CCDC7: variants seen among roughly 807,000 people sequenced by gnomAD.
CCDC7 encodes the protein coiled-coil domain-containing protein 7.
CCDC7 carries 183 observed loss-of-function variants against 196.9 expected under a neutral mutation model. The observed-to-expected ratio is 0.93, with a 90% CI of 0.82 to 1.05. CCDC7 has a LOEUF of 1.05. Ranked by LOEUF, CCDC7 falls within the 50% of genes least tolerant of loss-of-function variation. The pLI is 0.00. For synonymous variants in CCDC7, 525 were observed against 484.6 expected (o/e 1.08, Z -1.10); for missense variants, 1,540 against 1,482.2 (o/e 1.04, Z -0.64).
chr10:32,647,384 C>G lies in CCDC7; in HGVS notation c.2014+12226C>G, dbSNP rs2067950671. ...AACAGCCAGGTGTAGAAGCACGTAC[C>G]TGTAATCCCAGCTACCTGGGAGGCT... On this transcript the variant is annotated intron_variant, in intron 20 of 41. Transcript: ENST00000639629. Among the ~76,000 whole-genome samples, 4 of 150,560 alleles carry G rather than the reference C, an allele frequency of 2.7e-5. No individual in the cohort carries two copies. In the South Asian group the frequency reaches 8.4e-4, roughly 32 times the overall value.
chr10:32,766,228 GT>G (rs1452519707), intron 28 of CCDC7, among the ~76,000 whole-genome samples: 1 of 151,972 alleles, frequency 6.6e-6, no homozygotes, highest in Non-Finnish European at 1.5e-5. Flanking sequence ...AGGAAAAATT[GT>G]TGCATCTGGC....
intron 18 of CCDC7, among the ~76,000 whole-genome samples, chr10:32,585,353 G>A (rs1054347896): frequency 7.2e-5 from 11 of 152,106 alleles, no homozygotes; most frequent in African/African-American, 2.2e-4. Flanking sequence ...GATTACAGGC[G>A]TGAGCCACCG....
chr10:32,573,002 C>T (rs911547447), intron 16 of CCDC7, among the ~76,000 whole-genome samples: 1 of 151,780 alleles, frequency 6.6e-6, no homozygotes, highest in African/African-American at 2.4e-5. Flanking sequence ...CTCAGCCTCC[C>T]CAGGAGCTGG....
intron 29 of CCDC7, among the ~76,000 whole-genome samples, chr10:32,799,033 G>T (rs1406942583): frequency 6.6e-6 from 1 of 152,154 alleles, no homozygotes; most frequent in Non-Finnish European, 1.5e-5. Context: ...AGCTGCTCGA[G>T]CCCGATCATG....
At chr10:32,576,019 T>C (rs1003517553) in intron 16 of CCDC7, among the ~76,000 whole-genome samples, 1 of 152,140 alleles carries the variant, frequency 6.6e-6, no homozygotes, top group Non-Finnish European at 1.5e-5. Flanking sequence ...ATATCTGCCA[T>C]AGGAAAGAGA....
chr10:32,562,172 C>A (rs1309535378), intron 13 of CCDC7, among the ~76,000 whole-genome samples: 1 of 152,056 alleles, frequency 6.6e-6, no homozygotes, highest in Non-Finnish European at 1.5e-5. Flanking sequence ...GCTTACCAAC[C>A]AAAAAGAGTC....
At chr10:32,447,977 T>C (rs1271136372), upstream of CCDC7, among the ~76,000 whole-genome samples, 1 of 152,222 alleles carries the variant, frequency 6.6e-6, no homozygotes, top group African/African-American at 2.4e-5. Context: ...TATTTACTAT[T>C]ATCATCAGTA....
chr10:32,672,812 A>G (rs906406123), intron 21 of CCDC7, among the ~76,000 whole-genome samples: 13 of 152,128 alleles, frequency 8.5e-5, no homozygotes, highest in Admixed American at 3.3e-4. Flanking sequence ...GTGTTGCTAC[A>G]GTTTCATTAA....
chr10:32,666,983 G>C (rs1161625098), intron 21 of CCDC7, among the ~76,000 whole-genome samples: 1 of 152,106 alleles, frequency 6.6e-6, no homozygotes. Context: ...CTAGTTTACA[G>C]TCCCACCAAC....
chr10:32,874,642 C>T (rs764526094), intron 41 of CCDC7, among the ~76,000 whole-genome samples: 26 of 150,556 alleles, frequency 1.7e-4, no homozygotes, highest in Non-Finnish European at 3.2e-4. Context: ...AGTAGTATTC[C>T]ATGCATGTGT....
At chr10:32,860,564 G>A (rs1310403456) in intron 41 of CCDC7, among the ~76,000 whole-genome samples, 1 of 152,096 alleles carries the variant, frequency 6.6e-6, no homozygotes, top group Non-Finnish European at 1.5e-5. Flanking sequence ...TTCTGGCCAG[G>A]GCAATCAGGC....
chr10:32,758,630 A>G (rs1310740603), intron 28 of CCDC7, among the ~76,000 whole-genome samples: 2 of 152,186 alleles, frequency 1.3e-5, no homozygotes, highest in Non-Finnish European at 2.9e-5. Flanking sequence ...ACAAACCCAC[A>G]GCCAATATCA....
intron 13 of CCDC7, among the ~76,000 whole-genome samples, chr10:32,558,246 G>A (rs1242838865): frequency 1.3e-5 from 2 of 151,970 alleles, no homozygotes; most frequent in Non-Finnish European, 2.9e-5. Flanking sequence ...TGAAACCCTA[G>A]ATTGTGTTAT....
chr10:32,841,919 A>C (rs2093000507), intron 33 of CCDC7, among the ~76,000 whole-genome samples: 1 of 152,102 alleles, frequency 6.6e-6, no homozygotes, highest in South Asian at 2.1e-4. Flanking sequence ...GAAGAATGAA[A>C]CTGGATCCTC....
chr10:32,795,614 ATT>A (rs1358902720), intron 29 of CCDC7, among the ~76,000 whole-genome samples: 3 of 151,908 alleles, frequency 2.0e-5, no homozygotes, highest in Admixed American at 6.6e-5. Flanking sequence ...GTTTGCTGTT[ATT>A]TATTGGGGAT....
intron 20 of CCDC7, among the ~76,000 whole-genome samples, chr10:32,637,823 T>C (rs1043491475): frequency 6.6e-6 from 1 of 152,210 alleles, no homozygotes; most frequent in African/African-American, 2.4e-5. Context: ...CCTTGGGCAG[T>C]ATGGTCATTT....
Position 32,664,036 on chromosome 10 carries a change from A to C in CCDC7, c.2015-18A>C. On this transcript the variant is annotated intron_variant, in intron 20 of 41. Transcript: ENST00000639629. ...CTATAGTTTATGTTTAGTGCACTAA[A>C]TTTATTAATTTGTGTAGCTCATAAT... is the stretch of plus-strand genomic sequence containing the variant. 1 of 395,060 alleles carries C rather than the reference A, an allele frequency of 2.5e-6. No individual in the cohort carries two copies. The highest frequency in any genetic ancestry group is 4.5e-6 in the Non-Finnish European group (1 of 223,436). 24.5% of individuals were successfully genotyped at this position (395,060 alleles called of 1,614,324 possible).
chr10:32,618,847 G>T (rs1316274864), intron 18 of CCDC7, among the ~76,000 whole-genome samples: 3 of 151,968 alleles, frequency 2.0e-5, no homozygotes, highest in African/African-American at 7.2e-5. Context: ...TAAATTTTTT[G>T]ATTGCTCTTC....
chr10:32,762,947 C>A (rs1383561975), intron 28 of CCDC7, among the ~76,000 whole-genome samples: 2 of 151,666 alleles, frequency 1.3e-5, no homozygotes, highest in Non-Finnish European at 2.9e-5. Flanking sequence ...TGATATTGAT[C>A]TTGGCAATAA....
Sources: allele counts gnomAD v4.1 joint callset (sites outside exome capture counted in the v4.1 genomes callset), GRCh38; gene constraint gnomAD v4.1.1; transcripts MANE v1.5; gene names NCBI Gene and HGNC (gene_info 2026-07-23, HGNC 2026-07-21).